The following CPNE8 variants were observed in gnomAD, a reference collection of about 807,000 sequenced individuals.
CPNE8 encodes copine 8, also known as copine-8.
Under a neutral mutation model 81.5 loss-of-function variants are expected in CPNE8, and 45 were observed. The ratio of observed to expected loss-of-function variants is 0.55; its 90% CI spans 0.44 to 0.71. The LOEUF (loss-of-function observed/expected upper bound fraction) is 0.71, where lower values mean the gene tolerates loss of function less well. Ranked by LOEUF, CPNE8 falls within the 30% of genes least tolerant of loss-of-function variation. CPNE8 has a pLI of 0.00. For missense variants in CPNE8, 594 were observed against 672.1 expected, an observed-to-expected ratio of 0.88 and a Z score of 1.28; for synonymous variants, 252 against 226.3, an observed-to-expected ratio of 1.11 and a Z score of -1.02.
intron 6 of CPNE8, among the ~76,000 whole-genome samples, chr12:38,808,749 A>C (rs543786391): frequency 6.6e-6 from 1 of 151,252 alleles, no homozygotes; most frequent in Admixed American, 6.7e-5. Context: ...AACTTAAAGT[A>C]TAATAATAAT....
chr12:38,799,890 T>C (rs913916752), intron 6 of CPNE8, among the ~76,000 whole-genome samples: 1 of 151,882 alleles, frequency 6.6e-6, no homozygotes, highest in Non-Finnish European at 1.5e-5. Flanking sequence ...CAAAGAAAGG[T>C]GTGACTGACG....
At chr12:38,774,669 A>C (rs1350926894) in intron 7 of CPNE8, among the ~76,000 whole-genome samples, 1 of 152,278 alleles carries the variant, frequency 6.6e-6, no homozygotes, top group Non-Finnish European at 1.5e-5. Flanking sequence ...TTGCCCTTCA[A>C]ATACGAAAAG....
chr12:38,755,931 T>A (rs2136835474), intron 10 of CPNE8, among the ~76,000 whole-genome samples: 1 of 149,168 alleles, frequency 6.7e-6, no homozygotes, highest in South Asian at 2.1e-4. Flanking sequence ...TCCCAGCTAC[T>A]CGGGAGGCTG....
At chr12:38,794,505 G>A (rs1942407569) in intron 6 of CPNE8, among the ~76,000 whole-genome samples, 1 of 151,920 alleles carries the variant, frequency 6.6e-6, no homozygotes, top group Non-Finnish European at 1.5e-5. Context: ...ACTTCAGTAA[G>A]CATTTTTCCA....
chr12:38,771,076 C>T (rs1347546230), intron 7 of CPNE8, among the ~76,000 whole-genome samples: 1 of 151,922 alleles, frequency 6.6e-6, no homozygotes, highest in Admixed American at 6.6e-5. Flanking sequence ...ATTCCAAGGA[C>T]ATAATAACAT....
At chr12:38,655,897 T>C (rs904167394) in intron 19 of CPNE8, among the ~76,000 whole-genome samples, 31 of 151,992 alleles carry the variant, frequency 2.0e-4, no homozygotes, top group African/African-American at 6.0e-4. Flanking sequence ...CTCAGAGCAG[T>C]TTTTAGAAAT....
chr12:38,653,720 T>C lies in CPNE8; in HGVS notation c.*162A>G. 2 of 1,028,568 alleles carry C rather than the reference T, an allele frequency of 1.9e-6. No individual in the cohort carries two copies. Among genetic ancestry groups the C allele is most frequent in the Non-Finnish European group, 2.6e-6 (2 of 775,526 alleles). 63.7% of individuals were successfully genotyped at this position (1,028,568 alleles called of 1,614,324 possible). ...CATGCAACAACCATATTTACAGTTT[T>C]GGTTTAGGAAGATATTTAAATTTGG... On this transcript the variant is annotated 3_prime_UTR_variant, in exon 20 of 20. Coordinates refer to ENST00000331366, the MANE Select transcript of CPNE8 (RefSeq NM_153634.3).
At chr12:38,807,174 G>C (rs963221739) in intron 6 of CPNE8, among the ~76,000 whole-genome samples, 36 of 151,448 alleles carry the variant, frequency 2.4e-4, no homozygotes, top group African/African-American at 8.5e-4. Context: ...TGGCCATACT[G>C]CCCAAGGTCA....
intron 6 of CPNE8, among the ~76,000 whole-genome samples, chr12:38,803,502 G>A (rs1328747222): frequency 2.0e-5 from 3 of 149,350 alleles, no homozygotes; most frequent in East Asian, 2.1e-4. Flanking sequence ...TTGATGGGAC[G>A]TATTTCAGAA....
At chr12:38,739,457 T>C (rs960026830) in intron 10 of CPNE8, among the ~76,000 whole-genome samples, 1 of 152,182 alleles carries the variant, frequency 6.6e-6, no homozygotes, top group Admixed American at 6.5e-5. Context: ...ATGTGGAAAC[T>C]CTTCTTTAAA....
chr12:38,845,779 TA>T (rs1334718366), intron 4 of CPNE8, among the ~76,000 whole-genome samples: 1 of 152,166 alleles, frequency 6.6e-6, no homozygotes, highest in Non-Finnish European at 1.5e-5. Context: ...ATTAAAGTGA[TA>T]GCAAAGACAC....
intron 15 of CPNE8, among the ~76,000 whole-genome samples, chr12:38,690,041 A>G (rs1340374895): frequency 6.6e-6 from 1 of 152,226 alleles, no homozygotes; most frequent in African/African-American, 2.4e-5. Flanking sequence ...CTTAAGTTCA[A>G]CATCTGTACT....
At chr12:38,676,130 T>G (rs1356508997) in intron 17 of CPNE8, 2 of 381,846 alleles carry the variant, frequency 5.2e-6, no homozygotes, top group Non-Finnish European at 7.0e-6. Flanking sequence ...AAAAAAAAAA[T>G]TAAAAAAGAA....
In CPNE8 at chr12:38,905,429, G is replaced by T. The variant is rs1315334301; in HGVS notation, c.98+8C>A. ...GGGCAGGAGAGAGGGGAAGGGCTGCGTCCTCACCTGCAGGACACGGACACC... is the reference window on the plus strand; with the variant it reads ...GGGCAGGAGAGAGGGGAAGGGCTGCTTCCTCACCTGCAGGACACGGACACC... On this transcript the variant is annotated splice_region_variant and intron_variant, in intron 1 of 19. Coordinates refer to ENST00000331366, the MANE Select transcript of CPNE8 (RefSeq NM_153634.3). 6.4e-7 allele frequency: 1 copy of T among 1,556,536 alleles called. No homozygotes were observed. Among genetic ancestry groups the T allele is most frequent in the Admixed American group, 1.9e-5 (1 of 51,732 alleles).
At chr12:38,794,771 T>G (rs1038732532) in intron 6 of CPNE8, among the ~76,000 whole-genome samples, 2 of 152,142 alleles carry the variant, frequency 1.3e-5, no homozygotes, top group Non-Finnish European at 2.9e-5. Context: ...ATGTGATGGT[T>G]AATATTAAGT....
Position 38,850,793 on chromosome 12 carries a change from C to T in CPNE8, c.187-2131G>A, listed in dbSNP as rs17126718. On this transcript the variant is annotated intron_variant, in intron 3 of 19. Transcript: ENST00000331366. ...TCAGATTCTCAAGCATTCAACATCT[C>T]ATTGGCAGAGCTCAGTTCAAGGCAC... 1.4e-3 allele frequency among the ~76,000 whole-genome samples: 215 copies of T among 152,292 alleles called. 1 individual carries two copies. The highest frequency in any genetic ancestry group is 4.9e-3 in the African/African-American group (203 of 41,554).
At chr12:38,706,211 C>G (rs143302148) in intron 13 of CPNE8, among the ~76,000 whole-genome samples, 1 of 151,866 alleles carries the variant, frequency 6.6e-6, no homozygotes, top group Non-Finnish European at 1.5e-5. Flanking sequence ...TAATATTATG[C>G]CATAATCCTA....
intron 10 of CPNE8, among the ~76,000 whole-genome samples, chr12:38,739,070 C>T (rs1021243705): frequency 1.3e-5 from 2 of 152,040 alleles, no homozygotes; most frequent in Non-Finnish European, 2.9e-5. Flanking sequence ...CCTTGGCTTC[C>T]CAAAGTGCTT....
At chr12:38,809,032 A>G (rs1358655285) in intron 6 of CPNE8, among the ~76,000 whole-genome samples, 2 of 152,214 alleles carry the variant, frequency 1.3e-5, no homozygotes, top group African/African-American at 4.8e-5. Context: ...CTGCTATGAA[A>G]GGTAAATTGA....
Sources: gnomAD v4.1 joint callset for allele counts (sites outside exome capture counted in the v4.1 genomes callset) on GRCh38, gnomAD v4.1.1 for gene constraint, MANE v1.5 for transcripts, NCBI Gene and HGNC (gene_info 2026-07-23, HGNC 2026-07-21) for gene names.